Variants in ANKRD6 observed in about 807,000 individuals in gnomAD.
The protein encoded by ANKRD6 is ankyrin repeat domain 6.
ANKRD6 carries 56 observed loss-of-function variants against 82.3 expected under a neutral mutation model. The ratio of observed to expected loss-of-function variants is 0.68; its 90% CI spans 0.55 to 0.85. The LOEUF is 0.85. ANKRD6 is among the 40% of genes least tolerant of loss of function. The pLI, the probability that ANKRD6 is intolerant of heterozygous loss-of-function variation, is 0.00. For missense variants in ANKRD6, 852 were observed against 907.6 expected (o/e 0.94, Z 0.79); for synonymous variants, 347 against 352.1 (o/e 0.99, Z 0.16).
At chr6:89,549,530 G>GT (rs1459721323) in intron 1 of ANKRD6, among the ~76,000 whole-genome samples, 2 of 152,124 alleles carry the variant, frequency 1.3e-5, no homozygotes, top group Non-Finnish European at 2.9e-5. Context: ...TTCATTATGA[G>GT]TTACCCAGTC....
At chr6:89,624,371 T>C in intron 12 of ANKRD6, 168 bp from the exon 13 acceptor site, 1 of 849,176 alleles carries the variant, frequency 1.2e-6, no homozygotes, top group Non-Finnish European at 1.8e-6. Flanking sequence ...TAGTGTCTGC[T>C]ACACCCAAAA....
intron 1 of ANKRD6, among the ~76,000 whole-genome samples, chr6:89,549,040 C>A (rs1473364889): frequency 6.6e-6 from 1 of 151,962 alleles, no homozygotes; most frequent in East Asian, 1.9e-4. Context: ...AACCCTGTCT[C>A]AACAAAAAAT....
chr6:89,595,920 G>T lies in ANKRD6; in HGVS notation c.125G>T (p.Gly42Val). 1 of 1,606,526 alleles carries T rather than the reference G, an allele frequency of 6.2e-7. No individual in the cohort carries two copies. Among genetic ancestry groups the T allele is most frequent in the Non-Finnish European group, 8.5e-7 (1 of 1,176,516 alleles). ...TTGTTCATTTTGCATTCACAGCATG[G>T]CCGGACTCCCCTGCATCTTGCTGCC... Reference protein sequence around the residue: ...KGARVAVTKHGRTPLHLAANK... With the variant: ...KGARVAVTKHVRTPLHLAANK... The change falls in exon 3 of 16, where the codon GGC becomes GTC. Residue 42 changes from glycine (G) to valine (V), a missense_variant. Gly to Val is a moderately radical substitution (Grantham distance 109). Coordinates refer to ENST00000339746, the MANE Select transcript of ANKRD6 (RefSeq NM_001242809.2).
intron 1 of ANKRD6, among the ~76,000 whole-genome samples, chr6:89,435,524 G>T (rs1441920111): frequency 1.3e-5 from 2 of 152,094 alleles, no homozygotes; most frequent in South Asian, 4.1e-4. Flanking sequence ...GAACTTAAAA[G>T]CAGGCTATTG....
chr6:89,588,768 G>T, intron 2 of ANKRD6, among the ~76,000 whole-genome samples: 1 of 152,070 alleles, frequency 6.6e-6, no homozygotes. Flanking sequence ...CATTTTGGGA[G>T]GCCAAGGCAG....
chr6:89,538,216 TTC>T (rs1784080382), intron 1 of ANKRD6, among the ~76,000 whole-genome samples: 1 of 152,244 alleles, frequency 6.6e-6, no homozygotes, highest in Admixed American at 6.5e-5. Flanking sequence ...TCTACGTTTC[TTC>T]TCCATCTCAT....
At chr6:89,599,594 G>A (rs749939427) in intron 3 of ANKRD6, among the ~76,000 whole-genome samples, 1 of 152,152 alleles carries the variant, frequency 6.6e-6, no homozygotes, top group Non-Finnish European at 1.5e-5. Flanking sequence ...TCTTATAGGA[G>A]GAAAGAGTCC....
chr6:89,525,481 G>A (rs1027677663), intron 1 of ANKRD6, among the ~76,000 whole-genome samples: 2 of 152,136 alleles, frequency 1.3e-5, no homozygotes, highest in African/African-American at 4.8e-5. Context: ...TCTTGCTGCT[G>A]TTGTCCAAAG....
At chr6:89,620,953 C>A (rs969356988) in intron 9 of ANKRD6, among the ~76,000 whole-genome samples, 4 of 152,002 alleles carry the variant, frequency 2.6e-5, no homozygotes, top group African/African-American at 9.7e-5. Flanking sequence ...CCTGTAGTCC[C>A]AGTTACTCGG....
At chr6:89,542,357 G>A (rs1784539361) in intron 1 of ANKRD6, among the ~76,000 whole-genome samples, 2 of 152,204 alleles carry the variant, frequency 1.3e-5, no homozygotes, top group Admixed American at 6.5e-5. Flanking sequence ...ACCTGTTGAT[G>A]ATTATTGTCA....
chr6:89,482,351 C>T (rs1776904903), intron 1 of ANKRD6, among the ~76,000 whole-genome samples: 1 of 152,190 alleles, frequency 6.6e-6, no homozygotes, highest in Non-Finnish European at 1.5e-5. Context: ...ATGACTAATG[C>T]TTGGACTATT....
In ANKRD6 at chr6:89,453,752, T is replaced by A. The variant is rs560000259; in HGVS notation, c.-144+20377T>A. ...ACGCCACCCAGCTAATTTTTGTATT[T>A]TTTATTTATTTATTTATTTATTTAA... On this transcript the variant is annotated intron_variant, in intron 1 of 15. Coordinates refer to ENST00000339746, the MANE Select transcript of ANKRD6 (RefSeq NM_001242809.2). Among the ~76,000 whole-genome samples, 623 of 150,992 alleles carry A rather than the reference T, an allele frequency of 4.1e-3. 4 individuals carry two copies. Among genetic ancestry groups the A allele is most frequent in the African/African-American group, 0.013 (557 of 41,378 alleles).
At chr6:89,512,467 G>A (rs939452746) in intron 1 of ANKRD6, among the ~76,000 whole-genome samples, 2 of 152,230 alleles carry the variant, frequency 1.3e-5, no homozygotes, top group Non-Finnish European at 2.9e-5. Flanking sequence ...AGAACAATGA[G>A]TGTCTGTTTC....
At chr6:89,627,546 C>A in intron 13 of ANKRD6, 37 bp from the exon 14 acceptor site, 1 of 1,595,852 alleles carries the variant, frequency 6.3e-7, no homozygotes, top group South Asian at 1.1e-5. Flanking sequence ...ACCCTGAGAT[C>A]ATCTCAGTCT....
intron 6 of ANKRD6, among the ~76,000 whole-genome samples, 163 bp downstream of exon 6, chr6:89,612,533 A>C (rs945855349): frequency 6.6e-6 from 1 of 152,246 alleles, no homozygotes; most frequent in East Asian, 1.9e-4. Context: ...CTAAGGGATC[A>C]TTCAGGCATG....
intron 1 of ANKRD6, among the ~76,000 whole-genome samples, chr6:89,505,592 G>A (rs1779747054): frequency 6.6e-6 from 1 of 152,222 alleles, no homozygotes; most frequent in African/African-American, 2.4e-5. Flanking sequence ...TGCCACTACA[G>A]TGCCTCCTGG....
Position 89,606,039 on chromosome 6 carries a change from G to T in ANKRD6, c.351G>T (p.Trp117Cys). Residue 117 changes from tryptophan (W) to cysteine (C), a missense_variant, in exon 5 of 16, where the codon TGG becomes TGT. Coordinates refer to ENST00000339746, the MANE Select transcript of ANKRD6 (RefSeq NM_001242809.2). ...ATACAGCCTTGCATGAAGCATCCTGGCATGGTTTCAGCCAGTCAGCCAAGC... is the reference window on the plus strand; with the variant it reads ...ATACAGCCTTGCATGAAGCATCCTGTCATGGTTTCAGCCAGTCAGCCAAGC... ...DGNTALHEAS[W>C]HGFSQSAKLL... 1 of 1,596,934 alleles carries T rather than the reference G, an allele frequency of 6.3e-7. No individual in the cohort carries two copies. Among genetic ancestry groups the T allele is most frequent in the South Asian group, 1.1e-5 (1 of 87,408 alleles).
At chr6:89,538,174 TCA>T (rs1326437988) in intron 1 of ANKRD6, among the ~76,000 whole-genome samples, 2 of 152,222 alleles carry the variant, frequency 1.3e-5, no homozygotes, top group Non-Finnish European at 2.9e-5. Flanking sequence ...AAGGTCATAG[TCA>T]TTGGGTGATA....
At chr6:89,565,847 A>G (rs1347078059) in intron 1 of ANKRD6, among the ~76,000 whole-genome samples, 2 of 152,244 alleles carry the variant, frequency 1.3e-5, no homozygotes, top group Admixed American at 6.5e-5. Flanking sequence ...TTAAAATGCA[A>G]AGAAGCCCTC....
Sources: allele counts gnomAD v4.1 joint callset (sites outside exome capture counted in the v4.1 genomes callset), GRCh38; gene constraint gnomAD v4.1.1; transcripts MANE v1.5; gene names NCBI Gene and HGNC (gene_info 2026-07-23, HGNC 2026-07-21).